Variants in RNF180 observed in about 807,000 individuals in gnomAD.
RNF180 encodes ring finger protein 180.
Under a neutral mutation model 59.2 loss-of-function variants are expected in RNF180, and 38 were observed. That is an observed-to-expected ratio of 0.64 (90% CI 0.50 to 0.84). The LOEUF is 0.84. RNF180 is among the 40% of genes least tolerant of loss of function. RNF180 has a pLI of 0.00. For missense variants in RNF180, 705 were observed against 700.9 expected (o/e 1.01, Z -0.07); for synonymous variants, 262 against 240.3 (o/e 1.09, Z -0.84).
In RNF180 at chr5:64,370,039, T is replaced by G. The variant is rs571606823; in HGVS notation, c.*225T>G. The G allele has an allele frequency of 6.6e-6, 2 of 301,420 alleles. No homozygotes were observed. Among genetic ancestry groups the G allele is most frequent in the East Asian group, 1.1e-4 (2 of 18,074 alleles). 18.7% of individuals were successfully genotyped at this position (301,420 alleles called of 1,614,324 possible). A position where few individuals can be genotyped will look rare whatever the true frequency, so the allele number is the denominator to read the frequency against. Reference sequence around the variant, plus strand: ...CCAGCACTTAGCAACAATGCACTATTAATTTCATAGTTGTTCTTGGGTTAG... The same window carrying G: ...CCAGCACTTAGCAACAATGCACTATGAATTTCATAGTTGTTCTTGGGTTAG... On this transcript the variant is annotated 3_prime_UTR_variant, in exon 8 of 8. Coordinates refer to ENST00000389100, the MANE Select transcript of RNF180 (RefSeq NM_001113561.2).
At chr5:64,349,799 G>T (rs574438849) in intron 7 of RNF180, among the ~76,000 whole-genome samples, 1 of 152,048 alleles carries the variant, frequency 6.6e-6, no homozygotes, top group Non-Finnish European at 1.5e-5. Context: ...AGTATTCCAT[G>T]GTGTATATGT....
chr5:64,212,943 C>A (rs1752385721), intron 3 of RNF180, among the ~76,000 whole-genome samples: 1 of 152,174 alleles, frequency 6.6e-6, no homozygotes, highest in African/African-American at 2.4e-5. Context: ...TTATAAGTGT[C>A]CTGAACTTAA....
intron 7 of RNF180, among the ~76,000 whole-genome samples, chr5:64,367,925 G>T (rs1050952471): frequency 2.0e-5 from 3 of 151,620 alleles, no homozygotes; most frequent in Non-Finnish European, 3.0e-5. Flanking sequence ...AGTCTTCAGA[G>T]AATTGAATTT....
chr5:64,232,014 T>C (rs1009840425), intron 5 of RNF180, among the ~76,000 whole-genome samples: 1 of 152,190 alleles, frequency 6.6e-6, no homozygotes, highest in Non-Finnish European at 1.5e-5. Context: ...ACTACACACT[T>C]GAGAAGTCAA....
At chr5:64,173,133 C>G (rs921582606) in intron 1 of RNF180, among the ~76,000 whole-genome samples, 6 of 152,170 alleles carry the variant, frequency 3.9e-5, no homozygotes, top group African/African-American at 1.4e-4. Flanking sequence ...ATCCTTGATA[C>G]AGTATATATT....
chr5:64,309,492 C>T (rs1340280216), intron 5 of RNF180, among the ~76,000 whole-genome samples: 1 of 151,536 alleles, frequency 6.6e-6, no homozygotes. Flanking sequence ...GTTTGTCAGA[C>T]TGTTTTAGCC....
At chr5:64,270,549 C>T (rs549019731) in intron 5 of RNF180, among the ~76,000 whole-genome samples, 32 of 152,164 alleles carry the variant, frequency 2.1e-4, no homozygotes, top group African/African-American at 6.5e-4. Flanking sequence ...TTAATTCTTA[C>T]AACAGTTCTG....
chr5:64,348,333 A>G (rs1034979623), intron 7 of RNF180, among the ~76,000 whole-genome samples: 1 of 152,132 alleles, frequency 6.6e-6, no homozygotes, highest in African/African-American at 2.4e-5. Flanking sequence ...AAGAGAACTT[A>G]GAATTTCAAT....
chr5:64,180,293 G>A (rs897503555), intron 1 of RNF180, among the ~76,000 whole-genome samples: 1 of 152,066 alleles, frequency 6.6e-6, no homozygotes, highest in Non-Finnish European at 1.5e-5. Context: ...TGAGCTCAAG[G>A]TTTGCAGCTT....
intron 5 of RNF180, among the ~76,000 whole-genome samples, chr5:64,245,319 C>A (rs560857622): frequency 3.9e-5 from 6 of 152,170 alleles, no homozygotes; most frequent in Non-Finnish European, 7.3e-5. Context: ...AAGACACAGA[C>A]TGGCAAATTG....
At chr5:64,318,945 A>G (rs940830652) in intron 5 of RNF180, among the ~76,000 whole-genome samples, 2 of 152,150 alleles carry the variant, frequency 1.3e-5, no homozygotes, top group African/African-American at 4.8e-5. Context: ...GCATTTGACA[A>G]AACTCATAGA....
At position 64,285,117 on chromosome 5, in the gene RNF180, C is replaced by T. The variant is rs114883629; in HGVS notation, c.1228-40069C>T. On this transcript the variant is annotated intron_variant, in intron 5 of 7. Transcript: ENST00000389100. Reference sequence around the variant, plus strand: ...CAGCTCAGCACTCCTGGGCTACAAGCTCCAGCTCTGGGGTGGGGCTGGTAC... The same window carrying T: ...CAGCTCAGCACTCCTGGGCTACAAGTTCCAGCTCTGGGGTGGGGCTGGTAC... 6.5e-3 allele frequency among the ~76,000 whole-genome samples: 988 copies of T among 152,326 alleles called. 12 individuals carry two copies. Among genetic ancestry groups the T allele is most frequent in the African/African-American group, 0.022 (912 of 41,568 alleles).
At chr5:64,369,265 A>C (rs1746567625) in intron 7 of RNF180, among the ~76,000 whole-genome samples, 1 of 151,956 alleles carries the variant, frequency 6.6e-6, no homozygotes, top group Non-Finnish European at 1.5e-5. Context: ...AACAGTGAGA[A>C]CACATGGACA....
rs896062859 is a variant in RNF180, at chr5:64,305,380, T to G, written c.1228-19806T>G. 2.0e-5 allele frequency among the ~76,000 whole-genome samples: 3 copies of G among 151,598 alleles called. No homozygotes were observed. The Admixed American group carries it at 2.0e-4, about 10-fold the overall frequency. On this transcript the variant is annotated intron_variant, in intron 5 of 7. Transcript: ENST00000389100. ...TTTCTAGATTCTTCTCTTTCTTCCT[T>G]TGTTGATGTTTGAAACCAGATCATT...
chr5:64,368,167 A>G (rs1258276919), intron 7 of RNF180, among the ~76,000 whole-genome samples: 1 of 151,802 alleles, frequency 6.6e-6, no homozygotes. Context: ...AACTCTATGG[A>G]AATTAAAGCT....
intron 5 of RNF180, among the ~76,000 whole-genome samples, chr5:64,224,881 G>A (rs746071455): frequency 1.4e-4 from 22 of 152,168 alleles, no homozygotes; most frequent in African/African-American, 2.7e-4. Flanking sequence ...TACAGTGTTC[G>A]GCTAGCTTGC....
At chr5:64,239,475 G>C (rs1742664851) in intron 5 of RNF180, among the ~76,000 whole-genome samples, 2 of 152,090 alleles carry the variant, frequency 1.3e-5, no homozygotes, top group African/African-American at 4.8e-5. Flanking sequence ...GGAAGAGCTT[G>C]CTTTTTAAAA....
intron 1 of RNF180, among the ~76,000 whole-genome samples, chr5:64,173,717 C>CTTT (rs113698456): frequency 8.6e-5 from 12 of 140,062 alleles, no homozygotes; most frequent in Admixed American, 1.4e-4. Context: ...ATAGCATCAA[C>CTTT]TTTTTTTTTT....
chr5:64,216,960 A>G (rs1292544242), intron 4 of RNF180, among the ~76,000 whole-genome samples: 1 of 152,184 alleles, frequency 6.6e-6, no homozygotes, highest in Admixed American at 6.5e-5. Flanking sequence ...GATCACTCTC[A>G]AAACTCTCTT....
Sources: gnomAD v4.1 joint callset for allele counts (sites outside exome capture counted in the v4.1 genomes callset) on GRCh38, gnomAD v4.1.1 for gene constraint, MANE v1.5 for transcripts, NCBI Gene and HGNC (gene_info 2026-07-23, HGNC 2026-07-21) for gene names.